The following PADI1 variants were observed in gnomAD, a reference collection of about 807,000 sequenced individuals.
PADI1 encodes peptidyl arginine deiminase 1.
In PADI1, 65 loss-of-function variants were observed where a neutral mutation model predicts 74.8. That is an observed-to-expected ratio of 0.87 (90% CI 0.71 to 1.07). The LOEUF is 1.07. Ranked by LOEUF, PADI1 falls within the 50% of genes least tolerant of loss-of-function variation. PADI1 has a pLI of 0.00. For synonymous variants in PADI1, 371 were observed against 336.2 expected, an observed-to-expected ratio of 1.10 and a Z score of -1.13; for missense variants, 943 against 854.0, an observed-to-expected ratio of 1.10 and a Z score of -1.30.
rs772120621 is a variant in PADI1, at chr1:17,240,649, G to C, written c.1647G>C (p.Trp549Cys). The change falls in exon 15 of 16, where the codon TGG becomes TGC. Residue 549 changes from tryptophan to cysteine, a missense_variant. Physicochemically the swap from Trp to Cys is radical, Grantham distance 215. Coordinates refer to ENST00000375471, the MANE Select transcript of PADI1 (RefSeq NM_013358.3). ...DNLHAQKCID[W>C]NRNVLKRELG... ...TCCTTCCCCAGAAATGCATTGACTG[G>C]AACCGTAATGTGCTGAAGCGGGAGC... is the stretch of plus-strand genomic sequence containing the variant. The C allele has an allele frequency of 3.7e-6, 6 of 1,613,990 alleles. No homozygotes were observed. Among genetic ancestry groups the C allele is most frequent in the Non-Finnish European group, 5.1e-6 (6 of 1,179,954 alleles).
At position 17,222,475 on chromosome 1, in the gene PADI1, GA is replaced by G; in HGVS notation, c.273+6del. 1.2e-6 allele frequency: 2 copies of G among 1,609,008 alleles called. No individual in the cohort carries two copies. Among genetic ancestry groups the G allele is most frequent in the Non-Finnish European group, 1.7e-6 (2 of 1,175,402 alleles). On this transcript the variant is annotated splice_donor_region_variant and intron_variant, in intron 2 of 15. Transcript: ENST00000375471. Reference sequence around the variant, plus strand: ...AAGGAATTAAAGGACTTCAAGGTAAGAGGCCACTTTCTCATAGAAAAGGGTT... The same window carrying G: ...AAGGAATTAAAGGACTTCAAGGTAAGGGCCACTTTCTCATAGAAAAGGGTT...
chr1:17,231,541 G>C (rs2072490101), intron 10 of PADI1, among the ~76,000 whole-genome samples: 1 of 152,196 alleles, frequency 6.6e-6, no homozygotes, highest in African/African-American at 2.4e-5. Flanking sequence ...GGAGGGATCA[G>C]GTGACAATGA....
At chr1:17,236,487 G>A (rs566469107) in intron 11 of PADI1, among the ~76,000 whole-genome samples, 1 of 152,312 alleles carries the variant, frequency 6.6e-6, no homozygotes, top group Admixed American at 6.5e-5. Flanking sequence ...AAGCACAGTG[G>A]CCCTCACTTG....
At chr1:17,239,528 T>A (rs550052639) in intron 13 of PADI1, 176 bp from the exon 14 acceptor site, 1 of 568,820 alleles carries the variant, frequency 1.8e-6, no homozygotes, top group East Asian at 2.9e-5. Context: ...CAGGTTTTCC[T>A]TGCAGCCATG....
In PADI1 at chr1:17,230,102, G is replaced by T. The variant is rs780977133; in HGVS notation, c.947G>T (p.Gly316Val). 1.2e-5 allele frequency: 19 copies of T among 1,613,822 alleles called. No individual in the cohort carries two copies. Among genetic ancestry groups the T allele is most frequent in the Non-Finnish European group, 1.6e-5 (19 of 1,179,826 alleles). The change falls in exon 9 of 16, where the codon GGC (glycine) becomes GTC (valine). Residue 316 changes from glycine (G) to valine (V), a missense_variant. Physicochemically the swap from Gly to Val is moderately radical, Grantham distance 109 (BLOSUM62 -3). Coordinates refer to ENST00000375471, the MANE Select transcript of PADI1 (RefSeq NM_013358.3). ...LYVCRVMDTH[G>V]SNEKFLEDMS... ...TTTTACAGAGTGATGGACACTCATG[G>T]CTCCAATGAGAAATTCCTGGAGGAC...
chr1:17,235,326 T>A (rs2072616165), intron 11 of PADI1, among the ~76,000 whole-genome samples: 1 of 99,312 alleles, frequency 1.0e-5, no homozygotes, highest in African/African-American at 4.9e-5. Flanking sequence ...TAGTGTGGAG[T>A]GGACCATGTT....
In PADI1 at chr1:17,240,737, G is replaced by T; in HGVS notation, c.1735G>T (p.Ala579Ser). The T allele has an allele frequency of 6.2e-7, 1 of 1,614,000 alleles. No individual in the cohort carries two copies. The highest frequency in any genetic ancestry group is 8.5e-7 in the Non-Finnish European group (1 of 1,179,922). Residue 579 changes from alanine (A) to serine (S), a missense_variant, in exon 15 of 16, where the codon GCG (alanine) becomes TCG (serine). Coordinates refer to ENST00000375471, the MANE Select transcript of PADI1 (RefSeq NM_013358.3). Reference sequence around the variant, plus strand: ...GCTCTTCTTCCTGAAAAACTTCTACGCGGAAGCCTTCTTCCCAGACATGGT... The same window carrying T: ...GCTCTTCTTCCTGAAAAACTTCTACTCGGAAGCCTTCTTCCCAGACATGGT... ...PQLFFLKNFY[A>S]EAFFPDMVNM...
At chr1:17,233,007 G>A in intron 11 of PADI1, 37 bp downstream of exon 11, 1 of 1,550,870 alleles carries the variant, frequency 6.4e-7, no homozygotes, top group Non-Finnish European at 8.7e-7. Context: ...AGGCACAAGG[G>A]AATGACTGCA....
intron 2 of PADI1, 45 bp downstream of exon 2, chr1:17,222,515 C>T: frequency 3.4e-6 from 5 of 1,473,934 alleles, no homozygotes; most frequent in South Asian, 1.1e-5. Context: ...TCTCTCCACC[C>T]CCATCCAAGG....
chr1:17,215,575 A>G (rs952617823), intron 1 of PADI1, among the ~76,000 whole-genome samples: 1 of 152,088 alleles, frequency 6.6e-6, no homozygotes, highest in African/African-American at 2.4e-5. Flanking sequence ...CCCATGAGCT[A>G]GAAACCCTTC....
intron 11 of PADI1, among the ~76,000 whole-genome samples, chr1:17,236,019 G>C (rs1316194271): frequency 6.6e-6 from 1 of 152,172 alleles, no homozygotes; most frequent in African/African-American, 2.4e-5. Flanking sequence ...TTTGAAAAGG[G>C]TTGGCTACGT....
chr1:17,226,647 G>A (rs1557467240), intron 6 of PADI1, among the ~76,000 whole-genome samples: 1 of 152,150 alleles, frequency 6.6e-6, no homozygotes, highest in Admixed American at 6.5e-5. Context: ...GCCAAGGCTG[G>A]GCGCAATGAC....
intron 4 of PADI1, 72 bp downstream of exon 4, chr1:17,224,500 G>A (rs958286355): frequency 8.7e-7 from 1 of 1,146,164 alleles, no homozygotes; most frequent in Non-Finnish European, 1.3e-6. Context: ...GGTGGATTGT[G>A]CCCTCCCTCC....
chr1:17,212,201 G>A (rs2100404451), intron 1 of PADI1, among the ~76,000 whole-genome samples: 1 of 152,348 alleles, frequency 6.6e-6, no homozygotes, highest in South Asian at 2.1e-4. Context: ...GCTGGGCCCT[G>A]CTGCCTGACC....
At chr1:17,226,549 G>A (rs2072317536) in intron 6 of PADI1, among the ~76,000 whole-genome samples, 1 of 152,216 alleles carries the variant, frequency 6.6e-6, no homozygotes, top group African/African-American at 2.4e-5. Context: ...GAACCAGTGA[G>A]GCTGAGGCCC....
Position 17,240,791 on chromosome 1 carries a change from G to A in PADI1, c.1758+31G>A, listed in dbSNP as rs375827942. On this transcript the variant is annotated intron_variant, in intron 15 of 15. Transcript: ENST00000375471. ...AGCCCTTGTGCAGGGTCCTGCTGGGGGGTCTGCGGGGCTCTGAGAAGAAGC... is the reference window on the plus strand; with the variant it reads ...AGCCCTTGTGCAGGGTCCTGCTGGGAGGTCTGCGGGGCTCTGAGAAGAAGC... 200 of 1,606,184 alleles carry A rather than the reference G, an allele frequency of 1.2e-4. No individual in the cohort carries two copies. In the African/African-American group the frequency reaches 1.6e-3, roughly 13 times the overall value.
rs757271443 is a variant in PADI1 at position 17,244,303 on chromosome 1, G to A, written c.*60G>A. The A allele has an allele frequency of 7.6e-6, 10 of 1,320,728 alleles. No individual in the cohort carries two copies. In the South Asian group the frequency reaches 1.1e-4, roughly 14 times the overall value. The allele number at this position is 1,320,728 out of a possible 1,614,324, so 81.8% of individuals were successfully genotyped here. Reference sequence around the variant, plus strand: ...GCTAGGGAACCCTGCCAGGGTGAAGGCAAGGAACAACCACCTGGCCTCCAT... The same window carrying A: ...GCTAGGGAACCCTGCCAGGGTGAAGACAAGGAACAACCACCTGGCCTCCAT... On this transcript the variant is annotated 3_prime_UTR_variant, in exon 16 of 16. Transcript: ENST00000375471.
intron 15 of PADI1, among the ~76,000 whole-genome samples, chr1:17,242,251 C>T (rs2072792474): frequency 6.6e-6 from 1 of 152,216 alleles, no homozygotes; most frequent in East Asian, 1.9e-4. Context: ...CAAAATGGAC[C>T]CTGATTGAGA....
At chr1:17,229,684 A>G (rs16824005) in intron 8 of PADI1, among the ~76,000 whole-genome samples, 8,732 of 152,280 alleles carry the variant, frequency 0.057, 816 homozygotes, top group African/African-American at 0.2. Context: ...GGTGTTAAAA[A>G]GAGACTGTTC....
Sources: allele counts gnomAD v4.1 joint callset (sites outside exome capture counted in the v4.1 genomes callset), GRCh38; gene constraint gnomAD v4.1.1; transcripts MANE v1.5; gene names NCBI Gene and HGNC (gene_info 2026-07-23, HGNC 2026-07-21).